The following DIS3L2 variants were observed in gnomAD, a reference collection of about 807,000 sequenced individuals.
DIS3L2 encodes the protein DIS3 like 3'-5' exoribonuclease 2.
Under a neutral mutation model 97.5 loss-of-function variants are expected in DIS3L2, and 34 were observed. The ratio of observed to expected loss-of-function variants is 0.35; its 90% confidence interval spans 0.27 to 0.46. The LOEUF (loss-of-function observed/expected upper bound fraction) is 0.46. DIS3L2 is among the 20% of genes least tolerant of loss of function. DIS3L2 has a pLI of 1.00. For missense variants in DIS3L2, 1,038 were observed against 1,146.0 expected, an observed-to-expected ratio of 0.91 and a Z score of 1.36; for synonymous variants, 435 against 445.2, an observed-to-expected ratio of 0.98 and a Z score of 0.29.
intron 14 of DIS3L2, among the ~76,000 whole-genome samples, chr2:232,317,561 C>T (rs990040078): frequency 1.3e-5 from 2 of 152,060 alleles, no homozygotes; most frequent in Non-Finnish European, 2.9e-5. Context: ...CTCAGCCTCC[C>T]GGGTAGCTGG....
At position 232,333,209 on chromosome 2, in the gene DIS3L2, TCCTCCTCCTCCGCTGTCG is replaced by T. The variant is rs1695814106; in HGVS notation, c.2011-619_2011-602del. 6.0e-5 allele frequency among the ~76,000 whole-genome samples: 3 copies of T among 49,606 alleles called. 1 individual carries two copies. Among genetic ancestry groups the T allele is most frequent in the South Asian group, 1.7e-3 (2 of 1,172 alleles). The allele number at this position is 49,606 out of a possible 152,430, so 32.5% of individuals were successfully genotyped here. A position where few individuals can be genotyped will look rare whatever the true frequency, so the allele number is the denominator to read the frequency against. On this transcript the variant is annotated intron_variant, in intron 16 of 20. Transcript: ENST00000325385. ...CTCCTCCTCCTCCTCCTCCTCCTCC[TCCTCCTCCTCCGCTGTCG>T]CCTCCTCCTCCTCCTCCTCCTCCTC...
chr2:232,256,254 C>T (rs80329434), intron 12 of DIS3L2, among the ~76,000 whole-genome samples: 2,972 of 152,352 alleles, frequency 0.02, 101 homozygotes, highest in African/African-American at 0.068. Context: ...CCTCTCATGT[C>T]CTGGAGCATT....
At chr2:232,056,311 G>A (rs531743633) in intron 5 of DIS3L2, among the ~76,000 whole-genome samples, 6 of 152,078 alleles carry the variant, frequency 3.9e-5, no homozygotes, top group Admixed American at 3.9e-4. Flanking sequence ...GTGGAGGTGA[G>A]CTGAGATCAT....
At chr2:232,271,994 G>A (rs1432709539) in intron 13 of DIS3L2, among the ~76,000 whole-genome samples, 1 of 152,220 alleles carries the variant, frequency 6.6e-6, no homozygotes, top group African/African-American at 2.4e-5. Context: ...AGCCACTTAT[G>A]TGTGGTGGCC....
intron 6 of DIS3L2, among the ~76,000 whole-genome samples, chr2:232,089,086 A>G (rs1696755483): frequency 6.6e-6 from 1 of 152,218 alleles, no homozygotes; most frequent in South Asian, 2.1e-4. Context: ...AAGAAAGCCG[A>G]AGGTATCTTC....
intron 13 of DIS3L2, among the ~76,000 whole-genome samples, chr2:232,285,304 CCT>C (rs951206403): frequency 3.9e-5 from 6 of 152,142 alleles, no homozygotes; most frequent in Non-Finnish European, 1.5e-5. Context: ...ACCTGCTCTC[CCT>C]GAGTGGACTC....
chr2:232,035,534 T>A (rs1694927480), intron 5 of DIS3L2, among the ~76,000 whole-genome samples: 1 of 152,236 alleles, frequency 6.6e-6, no homozygotes, highest in Non-Finnish European at 1.5e-5. Context: ...AATTTGATCC[T>A]GTCATTACGA....
chr2:232,117,020 G>A (rs1036861316), intron 6 of DIS3L2, among the ~76,000 whole-genome samples: 3 of 152,266 alleles, frequency 2.0e-5, no homozygotes, highest in African/African-American at 7.2e-5. Context: ...TAACCCTCAT[G>A]TGGCTGCTCC....
chr2:231,967,966 T>C (rs1559500873), intron 1 of DIS3L2, among the ~76,000 whole-genome samples: 1 of 152,208 alleles, frequency 6.6e-6, no homozygotes, highest in Non-Finnish European at 1.5e-5. Context: ...CTCTAAAGTG[T>C]ACAGTTTGTT....
At chr2:232,215,896 A>G (rs1692319289) in intron 10 of DIS3L2, among the ~76,000 whole-genome samples, 2 of 152,128 alleles carry the variant, frequency 1.3e-5, no homozygotes, top group South Asian at 4.1e-4. Context: ...AGGTTCGTGC[A>G]TGTCTCTAGC....
At chr2:232,051,375 T>C (rs1695394563) in intron 5 of DIS3L2, among the ~76,000 whole-genome samples, 1 of 152,200 alleles carries the variant, frequency 6.6e-6, no homozygotes, top group Admixed American at 6.5e-5. Context: ...ATAGATACTT[T>C]TTGAACAATT....
chr2:232,225,325 C>T (rs911490352), intron 10 of DIS3L2, among the ~76,000 whole-genome samples: 1 of 152,122 alleles, frequency 6.6e-6, no homozygotes, highest in African/African-American at 2.4e-5. Flanking sequence ...CAAAAACAAT[C>T]TAAGTGCCTG....
chr2:232,330,356 C>T (rs1219436198), intron 15 of DIS3L2, among the ~76,000 whole-genome samples: 1 of 152,202 alleles, frequency 6.6e-6, no homozygotes, highest in Non-Finnish European at 1.5e-5. Flanking sequence ...TGCTCCCTGC[C>T]TGGGGCAAAG....
intron 1 of DIS3L2, among the ~76,000 whole-genome samples, chr2:231,977,349 G>A (rs1451206349): frequency 6.6e-6 from 1 of 152,172 alleles, no homozygotes; most frequent in African/African-American, 2.4e-5. Context: ...ACTTGTGATT[G>A]TATTGTTTAT....
rs1695536563 is a variant in DIS3L2, at chr2:232,325,075, G to A, written c.1740-4738G>A. Among the ~76,000 whole-genome samples the A allele has an allele frequency of 6.6e-6, 1 of 152,212 alleles. No homozygotes were observed. Among genetic ancestry groups the A allele is most frequent in the Non-Finnish European group, 1.5e-5 (1 of 68,044 alleles). ...TCCAGTTCCTCGATGGTCAGGGAAG[G>A]CAGGCTTCCTCTGAAGAGCAGATCG... On this transcript the variant is annotated intron_variant, in intron 14 of 20. Coordinates refer to ENST00000325385, the MANE Select transcript of DIS3L2 (RefSeq NM_152383.5). The surrounding 1 kb of genome is among the most constrained non-coding windows in gnomAD (Gnocchi z 4.6).
chr2:232,107,967 C>G (rs749603211), intron 6 of DIS3L2, among the ~76,000 whole-genome samples: 1 of 151,948 alleles, frequency 6.6e-6, no homozygotes, highest in Non-Finnish European at 1.5e-5. Context: ...CTACAAAGAG[C>G]TGCTATCATT....
chr2:232,305,829 C>T (rs897641375), intron 14 of DIS3L2, among the ~76,000 whole-genome samples: 15 of 152,178 alleles, frequency 9.9e-5, no homozygotes, highest in African/African-American at 3.4e-4. Flanking sequence ...ATGGCACACA[C>T]CTGTAAGACC....
At chr2:232,125,582 A>G (rs1329445422) in intron 6 of DIS3L2, among the ~76,000 whole-genome samples, 1 of 152,198 alleles carries the variant, frequency 6.6e-6, no homozygotes, top group Non-Finnish European at 1.5e-5. Flanking sequence ...TTGTAAGTTA[A>G]AAGAGGTAAT....
chr2:232,168,764 A>G (rs1416892449), intron 9 of DIS3L2, among the ~76,000 whole-genome samples: 1 of 152,154 alleles, frequency 6.6e-6, no homozygotes, highest in Non-Finnish European at 1.5e-5. Context: ...TTTTTAACAC[A>G]CATAAAGAGA....
Sources: allele counts gnomAD v4.1 joint callset (sites outside exome capture counted in the v4.1 genomes callset), GRCh38; gene constraint gnomAD v4.1.1; non-coding constraint Gnocchi (gnomAD v3.1); transcripts MANE v1.5; gene names NCBI Gene and HGNC (gene_info 2026-07-23, HGNC 2026-07-21).